SEMA3A: variants seen among roughly 807,000 people sequenced by gnomAD.
SEMA3A encodes the protein semaphorin 3A, also known as semaphorin-3A.
SEMA3A carries 29 observed loss-of-function variants against 97.9 expected under a neutral mutation model. The ratio of observed to expected loss-of-function variants is 0.30; its 90% CI spans 0.22 to 0.40. SEMA3A has a LOEUF of 0.40. Among genes scored for constraint, SEMA3A ranks in the 10% least tolerant of loss-of-function variants. SEMA3A has a pLI of 1.00. For missense variants in SEMA3A, 763 were observed against 951.3 expected, an observed-to-expected ratio of 0.80 and a Z score of 2.60; for synonymous variants, 321 against 323.7, an observed-to-expected ratio of 0.99 and a Z score of 0.09.
rs528838530 is a variant in SEMA3A, at chr7:84,030,768, C to T, written c.667+15556G>A. ...AACCCTTTCTTCACTATGTTAAGAA[C>T]ATTTTCTTCTTCTCCTAGCTAACAT... On this transcript the variant is annotated intron_variant, in intron 6 of 16. Coordinates refer to ENST00000265362, the MANE Select transcript of SEMA3A (RefSeq NM_006080.3). Among the ~76,000 whole-genome samples the T allele has an allele frequency of 9.2e-5, 14 of 152,194 alleles. No homozygotes were observed. The South Asian group carries it at 2.7e-3, about 29-fold the overall frequency.
intron 11 of SEMA3A, among the ~76,000 whole-genome samples, chr7:84,003,795 G>T (rs763451480): frequency 6.6e-5 from 10 of 152,014 alleles, no homozygotes; most frequent in Non-Finnish European, 1.3e-4. Flanking sequence ...TTACCCAAGA[G>T]AAATACTATT....
chr7:84,113,245 A>G (rs1795327083), intron 3 of SEMA3A, among the ~76,000 whole-genome samples: 1 of 152,238 alleles, frequency 6.6e-6, no homozygotes, highest in Non-Finnish European at 1.5e-5. Flanking sequence ...TGGACAGAGA[A>G]GAAGCAAAAA....
intron 3 of SEMA3A, among the ~76,000 whole-genome samples, chr7:84,265,501 C>T (rs1437810319): frequency 6.9e-6 from 1 of 144,938 alleles, no homozygotes; most frequent in Non-Finnish European, 1.5e-5. Context: ...TATTATATAT[C>T]ATATATATAT....
At chr7:84,473,390 T>C (rs540812448) in intron 1 of SEMA3A, among the ~76,000 whole-genome samples, 4 of 148,380 alleles carry the variant, frequency 2.7e-5, no homozygotes, top group South Asian at 2.1e-4. Flanking sequence ...ATTATTATTA[T>C]AATATTATTA....
At position 84,238,310 on chromosome 7, in the gene SEMA3A, G is replaced by A. The variant is rs183946085; in HGVS notation, c.-82-43642C>T. Among the ~76,000 whole-genome samples the A allele has an allele frequency of 2.6e-4, 39 of 152,036 alleles. No homozygotes were observed. In the East Asian group the frequency reaches 5.1e-3, roughly 20 times the overall value. ...TTGAACTCCTGACCTCAGGTGATCC[G>A]CCTGCCTCAGCCTCCCAAAGTGCTG... On this transcript the variant is annotated intron_variant, in intron 3 of 3. Coordinates refer to the SEMA3A transcript ENST00000424555.
chr7:84,462,031 CTT>C (rs1183128351), intron 1 of SEMA3A, among the ~76,000 whole-genome samples: 2 of 151,980 alleles, frequency 1.3e-5, no homozygotes, highest in Non-Finnish European at 2.9e-5. Flanking sequence ...CTCAAAGTCT[CTT>C]TTTGATATTT....
At chr7:84,341,912 T>C (rs756432621) in intron 2 of SEMA3A, among the ~76,000 whole-genome samples, 2 of 152,162 alleles carry the variant, frequency 1.3e-5, no homozygotes, top group Non-Finnish European at 2.9e-5. Context: ...CCTCACGCTT[T>C]AGAATCTTTA....
At chr7:84,138,820 A>T (rs1562806641) in intron 1 of SEMA3A, among the ~76,000 whole-genome samples, 1 of 152,220 alleles carries the variant, frequency 6.6e-6, no homozygotes, top group Admixed American at 6.5e-5. Context: ...CAAATTCTGG[A>T]TTGCTTAGGT....
chr7:84,332,264 G>GA (rs1386411008), intron 2 of SEMA3A, among the ~76,000 whole-genome samples: 6 of 151,746 alleles, frequency 4.0e-5, no homozygotes, highest in African/African-American at 1.2e-4. Context: ...CTCATTTCCA[G>GA]AAAAAAATAA....
At chr7:84,313,399 T>C (rs1025018108) in intron 2 of SEMA3A, among the ~76,000 whole-genome samples, 1 of 117,808 alleles carries the variant, frequency 8.5e-6, no homozygotes, top group Admixed American at 9.2e-5. Flanking sequence ...TATATATATA[T>C]ATATATAAAC....
chr7:84,018,127 C>A (rs1791178775), intron 6 of SEMA3A, among the ~76,000 whole-genome samples: 1 of 152,132 alleles, frequency 6.6e-6, no homozygotes, highest in South Asian at 2.1e-4. Flanking sequence ...AAATATACAT[C>A]TTTAATGTAT....
At chr7:84,451,792 A>G (rs1805562133) in intron 1 of SEMA3A, among the ~76,000 whole-genome samples, 1 of 152,202 alleles carries the variant, frequency 6.6e-6, no homozygotes, top group Admixed American at 6.5e-5. Context: ...GCAAATAGGA[A>G]CATAGTTCCC....
chr7:84,229,819 C>T (rs1166971302), intron 3 of SEMA3A, among the ~76,000 whole-genome samples: 1 of 151,886 alleles, frequency 6.6e-6, no homozygotes, highest in Admixed American at 6.6e-5. Context: ...AACAAGCGTG[C>T]CCAATTTCCT....
At chr7:84,295,868 T>A (rs191063493) in intron 3 of SEMA3A, among the ~76,000 whole-genome samples, 37 of 152,240 alleles carry the variant, frequency 2.4e-4, no homozygotes, top group Admixed American at 4.6e-4. Context: ...TTTGATAACA[T>A]ATTACCATGT....
chr7:83,980,623 A>AAAAAAAAAAAAAAAAAAAAAAAAT (rs1310318006), intron 14 of SEMA3A, among the ~76,000 whole-genome samples: 1 of 71,760 alleles, frequency 1.4e-5, no homozygotes, highest in Non-Finnish European at 2.4e-5. Flanking sequence ...AAAAAAAAAA[A>AAAAAAAAAAAAAAAAAAAAAAAAT]ATATATATAT....
rs1794888741 is a variant in SEMA3A at position 84,099,511 on chromosome 7, A to ATAG, written c.453+10956_453+10958dup. ...ATGCAAAACTCACATAACTTTGCCTATAGTAGCTTAATGTTTTATGCACAA... is the reference window on the plus strand; with the variant it reads ...ATGCAAAACTCACATAACTTTGCCTATAGTAGTAGCTTAATGTTTTATGCACAA... On this transcript the variant is annotated intron_variant, in intron 4 of 16. Transcript: ENST00000265362. Among the ~76,000 whole-genome samples the ATAG allele has an allele frequency of 3.3e-5, 5 of 152,278 alleles. No homozygotes were observed. In the South Asian group the frequency reaches 1.0e-3, roughly 32 times the overall value.
chr7:84,120,765 G>A (rs2115984473), intron 3 of SEMA3A, among the ~76,000 whole-genome samples: 1 of 152,220 alleles, frequency 6.6e-6, no homozygotes. Context: ...AATTATAAAG[G>A]GTCTGGGGTT....
chr7:84,376,603 C>CAAAAAAAA lies in SEMA3A; in HGVS notation c.-245-4711_-245-4704dup, dbSNP rs60380985. Among the ~76,000 whole-genome samples, 29 of 36,440 alleles carry CAAAAAAAA rather than the reference C, an allele frequency of 8.0e-4. 1 individual carries two copies. Among genetic ancestry groups the CAAAAAAAA allele is most frequent in the African/African-American group, 2.6e-3 (26 of 10,144 alleles). The allele number at this position is 36,440 out of a possible 152,430, so 23.9% of individuals were successfully genotyped here. ...TGGGCGACAGAGCGAGACTCCGTCTCAAAAAAAAAAAAAAAAAAAAAAAAA... is the reference window on the plus strand; with the variant it reads ...TGGGCGACAGAGCGAGACTCCGTCTCAAAAAAAAAAAAAAAAAAAAAAAAAAAAAAAAA... On this transcript the variant is annotated intron_variant, in intron 1 of 3. Transcript: ENST00000424555.
intron 1 of SEMA3A, among the ~76,000 whole-genome samples, chr7:84,395,480 C>T (rs1051954221): frequency 2.6e-5 from 4 of 151,894 alleles, no homozygotes; most frequent in Non-Finnish European, 5.9e-5. Flanking sequence ...AAGGTTTAAA[C>T]ATTTGAATGA....
Sources: allele counts gnomAD v4.1 joint callset (sites outside exome capture counted in the v4.1 genomes callset), GRCh38; gene constraint gnomAD v4.1.1; transcripts MANE v1.5; gene names NCBI Gene and HGNC (gene_info 2026-07-23, HGNC 2026-07-21).